Variants in CRCP observed in about 807,000 individuals in gnomAD.
CRCP encodes DNA-directed RNA polymerase III subunit RPC9.
A neutral mutation model predicts 18.5 loss-of-function variants in CRCP; 18 were observed. The ratio of observed to expected loss-of-function variants is 0.97; its 90% CI spans 0.67 to 1.44. The LOEUF (loss-of-function observed/expected upper bound fraction) is 1.44, where lower values mean the gene tolerates loss of function less well. Ranked by LOEUF, CRCP falls within the 40% of genes most tolerant of loss-of-function variation. The pLI is 0.00. For synonymous variants in CRCP, 53 were observed against 62.9 expected (o/e 0.84, Z 0.75); for missense variants, 130 against 176.4 (o/e 0.74, Z 1.49).
chr7:66,124,039 C>A (rs1480363270), intron 1 of CRCP, among the ~76,000 whole-genome samples: 1 of 71,008 alleles, frequency 1.4e-5, no homozygotes, highest in Non-Finnish European at 2.4e-5. Context: ...AGTGAGACTC[C>A]GTCTCAAAAA....
At position 66,138,779 on chromosome 7, in the gene CRCP, C is replaced by T. The variant is rs139447510; in HGVS notation, c.239+4405C>T. On this transcript the variant is annotated intron_variant, in intron 4 of 5. Coordinates refer to ENST00000395326, the MANE Select transcript of CRCP (RefSeq NM_014478.5). ...CTGCACTCCGGCCTGGGGGACAGAG[C>T]GAGACTCCGTCTCAAAAAAAAAAAA... 8.2e-3 allele frequency among the ~76,000 whole-genome samples: 1,108 copies of T among 135,610 alleles called. 17 individuals are homozygous for T. Among genetic ancestry groups the T allele is most frequent in the African/African-American group, 0.03 (1,042 of 35,220 alleles). 89.0% of individuals were successfully genotyped at this position (135,610 alleles called of 152,430 possible).
At chr7:66,127,902 G>A (rs1336514284) in intron 2 of CRCP, among the ~76,000 whole-genome samples, 162 bp downstream of exon 2, 4 of 152,118 alleles carry the variant, frequency 2.6e-5, no homozygotes, top group African/African-American at 9.7e-5. Flanking sequence ...CTTGAGGTCA[G>A]GAGTTCAAAA....
intron 5 of CRCP, among the ~76,000 whole-genome samples, chr7:66,149,758 T>C (rs1788399922): frequency 6.6e-6 from 1 of 152,020 alleles, no homozygotes; most frequent in Non-Finnish European, 1.5e-5. Context: ...TACTAGCACG[T>C]CTTGGATCAC....
intron 1 of CRCP, among the ~76,000 whole-genome samples, chr7:66,125,020 A>G (rs1053852639): frequency 6.7e-6 from 1 of 149,266 alleles, no homozygotes; most frequent in Non-Finnish European, 1.5e-5. Flanking sequence ...TCTTTTTGTG[A>G]CATTGGCACT....
intron 1 of CRCP, among the ~76,000 whole-genome samples, chr7:66,118,623 T>C (rs1787343234): frequency 6.6e-6 from 1 of 152,198 alleles, no homozygotes; most frequent in Admixed American, 6.6e-5. Flanking sequence ...GATGCTCAAG[T>C]CCCTGATATA....
At chr7:66,142,698 T>C (rs943111945) in intron 4 of CRCP, among the ~76,000 whole-genome samples, 2 of 152,184 alleles carry the variant, frequency 1.3e-5, no homozygotes, top group African/African-American at 2.4e-5. Context: ...AGTCTCACTT[T>C]GTTGCCCAGG....
In CRCP at chr7:66,114,875, A is replaced by G. The variant is rs549690909; in HGVS notation, c.-88A>G. 1.6e-5 allele frequency: 26 copies of G among 1,606,270 alleles called. No individual in the cohort carries two copies. Among genetic ancestry groups the G allele is most frequent in the Admixed American group, 5.0e-5 (3 of 59,802 alleles). On this transcript the variant is annotated 5_prime_UTR_variant, in exon 1 of 6. Coordinates refer to ENST00000395326, the MANE Select transcript of CRCP (RefSeq NM_014478.5). ...GAGCACCTTGGCGCGCGGAGCTGGC[A>G]CCTTGGCGCTGTTGGTGGCGGCGGA... is the stretch of plus-strand genomic sequence containing the variant.
chr7:66,140,553 CG>C (rs1180852259), intron 4 of CRCP, among the ~76,000 whole-genome samples: 1 of 151,816 alleles, frequency 6.6e-6, no homozygotes, highest in East Asian at 1.9e-4. Flanking sequence ...ATGCCATCAC[CG>C]CTAATTTTTG....
At chr7:66,140,539 G>A (rs1029989604) in intron 4 of CRCP, among the ~76,000 whole-genome samples, 1 of 152,016 alleles carries the variant, frequency 6.6e-6, no homozygotes, top group Admixed American at 6.6e-5. Flanking sequence ...GGGATTACAG[G>A]TGCATGCCAT....
At chr7:66,135,908 C>T (rs1787958941) in intron 4 of CRCP, among the ~76,000 whole-genome samples, 1 of 148,026 alleles carries the variant, frequency 6.8e-6, no homozygotes, top group Non-Finnish European at 1.5e-5. Flanking sequence ...ACAACAAGAG[C>T]AAAACTCTGT....
At chr7:66,118,233 C>T (rs1026776892) in intron 1 of CRCP, among the ~76,000 whole-genome samples, 1 of 152,108 alleles carries the variant, frequency 6.6e-6, no homozygotes, top group Non-Finnish European at 1.5e-5. Context: ...GCCTCAGCCT[C>T]CCAAAGTGCT....
chr7:66,134,508 T>A, intron 4 of CRCP, 134 bp downstream of exon 4: 1 of 631,894 alleles, frequency 1.6e-6, no homozygotes, highest in Non-Finnish European at 2.8e-6. Flanking sequence ...ATGAAACAAC[T>A]GAAAGTTAGA....
At chr7:66,130,585 C>G (rs929441180) in intron 2 of CRCP, among the ~76,000 whole-genome samples, 159 bp from the exon 3 acceptor site, 1 of 152,104 alleles carries the variant, frequency 6.6e-6, no homozygotes, top group Non-Finnish European at 1.5e-5. Flanking sequence ...TAATATGCCT[C>G]TGGGACTCAT....
intron 3 of CRCP, among the ~76,000 whole-genome samples, chr7:66,131,492 G>A (rs1282273826): frequency 4.6e-5 from 7 of 152,016 alleles, no homozygotes; most frequent in East Asian, 1.9e-4. Flanking sequence ...CCACTGCCAC[G>A]CCTGGCTATT....
intron 1 of CRCP, among the ~76,000 whole-genome samples, chr7:66,122,239 G>A (rs187911725): frequency 6.8e-4 from 104 of 152,168 alleles, no homozygotes; most frequent in African/African-American, 2.4e-3. Flanking sequence ...GCCGGGCGTG[G>A]TGGTGGGTGC....
intron 3 of CRCP, 113 bp downstream of exon 3, chr7:66,130,955 T>C: frequency 4.4e-6 from 3 of 679,648 alleles, no homozygotes. Flanking sequence ...TCTGAATGTT[T>C]TATTCTAACC....
At chr7:66,134,149 C>A in intron 3 of CRCP, 131 bp from the exon 4 acceptor site, 1 of 689,296 alleles carries the variant, frequency 1.5e-6, no homozygotes. Flanking sequence ...TGTGAGCCAC[C>A]GTGCCCAGCC....
At chr7:66,115,071 C>G (rs1787213572) in intron 1 of CRCP, 101 bp downstream of exon 1, 1 of 1,516,830 alleles carries the variant, frequency 6.6e-7, no homozygotes, top group Admixed American at 1.9e-5. Context: ...GACCCTCGTA[C>G]GGGAGTGAGG....
chr7:66,125,284 G>T (rs1787586436), intron 1 of CRCP, among the ~76,000 whole-genome samples: 1 of 148,790 alleles, frequency 6.7e-6, no homozygotes, highest in Non-Finnish European at 1.5e-5. Flanking sequence ...GTTTAGTGGT[G>T]GTTACAGTAA....
Sources: allele counts gnomAD v4.1 joint callset (sites outside exome capture counted in the v4.1 genomes callset), GRCh38; gene constraint gnomAD v4.1.1; transcripts MANE v1.5; gene names NCBI Gene and HGNC (gene_info 2026-07-23, HGNC 2026-07-21).